The following UBE2O variants were observed in gnomAD, a reference collection of about 807,000 sequenced individuals.
UBE2O encodes ubiquitin conjugating enzyme E2 O.
UBE2O carries 15 observed loss-of-function variants against 125.8 expected under a neutral mutation model. The ratio of observed to expected loss-of-function variants is 0.12; its 90% CI spans 0.08 to 0.18. The LOEUF is 0.18. UBE2O is among the 10% of genes least tolerant of loss of function. UBE2O has a pLI of 1.00. For missense variants in UBE2O, 1,280 were observed against 1,723.6 expected (o/e 0.74, Z 4.56); for synonymous variants, 708 against 703.2 (o/e 1.01, Z -0.11).
chr17:76,440,568 T>A (rs12451274), intron 1 of UBE2O, among the ~76,000 whole-genome samples: 81,606 of 152,058 alleles, frequency 0.54, 23,682 homozygotes, highest in South Asian at 0.67. Flanking sequence ...CCTCAAGTGA[T>A]CCGCCTGGCT....
rs11652985 is a variant in UBE2O at position 76,402,433 on chromosome 17, G to A, written c.686+169C>T. On this transcript the variant is annotated intron_variant, in intron 4 of 17. Transcript: ENST00000319380. The surrounding 1 kb of genome is among the most constrained non-coding windows in gnomAD (Gnocchi z 5.4). ...AAACTGAGCAACAGAAATAGGCCAC[G>A]GCAGATAAGGAGAACGGTACAGGGT... 2.0e-5 allele frequency among the ~76,000 whole-genome samples: 3 copies of A among 151,974 alleles called. No homozygotes were observed. Among genetic ancestry groups the A allele is most frequent in the Non-Finnish European group, 2.9e-5 (2 of 67,972 alleles).
intron 1 of UBE2O, among the ~76,000 whole-genome samples, chr17:76,438,865 G>A (rs2073038926): frequency 6.6e-6 from 1 of 152,108 alleles, no homozygotes; most frequent in Non-Finnish European, 1.5e-5. Flanking sequence ...TCCACGCCAT[G>A]CATGCATAGG....
rs1598631962 is a variant in UBE2O at position 76,452,824 on chromosome 17, GC to G, written c.317del (p.Gly106AlafsTer30). The G allele has an allele frequency of 4.6e-6, 7 of 1,505,742 alleles. No homozygotes were observed. The Admixed American group carries it at 8.8e-5, about 19-fold the overall frequency. The allele number at this position is 1,505,742 out of a possible 1,614,324, so 93.3% of individuals were successfully genotyped here. A position where few individuals can be genotyped will look rare whatever the true frequency, so the allele number is the denominator to read the frequency against. On this transcript the variant is annotated frameshift_variant, in exon 1 of 18. Coordinates refer to ENST00000319380, the MANE Select transcript of UBE2O (RefSeq NM_022066.4). LOFTEE classifies it high-confidence loss of function. The surrounding 1 kb of genome is among the most constrained non-coding windows in gnomAD (Gnocchi z 4.4). ...RGSSGCSEAGGAGHEEGRASP... is the reference protein window; with the variant it reads ...RGSSGCSEAGXAGHEEGRASP... ...TGGCCCGGCCCTCCTCGTGGCCCGC[GC>G]CCCCGGCCTCGGAGCACCCCGAGCT...
Position 76,398,286 on chromosome 17 carries a change from G to C in UBE2O, c.1994C>G (p.Thr665Ser). The stretch of plus-strand genomic sequence containing the variant: ...CTCCTTGTGAGGAGCCCCATCCTCA[G>C]TATTGCCGATGCGGATGACGATGTC... ...TTDIVIRIGN[T>S]EDGAPHKEDE... The change falls in exon 12 of 18, where the codon ACT (threonine) becomes AGT (serine). Residue 665 changes from threonine to serine, a missense_variant. By Grantham distance (58) the Thr-to-Ser change is moderately conservative. This residue lies in a region of UBE2O where 210 missense variants were observed against 268.9 expected (regional missense o/e 0.78). Coordinates refer to ENST00000319380, the MANE Select transcript of UBE2O (RefSeq NM_022066.4). This position sits in a 1 kb window ranked among gnomAD's most constrained non-coding sequence, Gnocchi z 5.4. The C allele has an allele frequency of 6.2e-7, 1 of 1,614,216 alleles. No individual in the cohort carries two copies. The highest frequency in any genetic ancestry group is 1.1e-5 in the South Asian group (1 of 91,082).
At chr17:76,437,428 C>T (rs565344943) in intron 1 of UBE2O, among the ~76,000 whole-genome samples, 39 of 133,398 alleles carry the variant, frequency 2.9e-4, no homozygotes, top group African/African-American at 1.0e-3. Flanking sequence ...CCAGCCTGGG[C>T]GACAGAGCGA....
intron 1 of UBE2O, among the ~76,000 whole-genome samples, chr17:76,413,210 G>A (rs925549357): frequency 2.6e-5 from 4 of 152,150 alleles, no homozygotes; most frequent in African/African-American, 7.2e-5. Context: ...ACGTAGGGAT[G>A]GGGTGGAGGA....
chr17:76,425,799 G>C (rs572774061), intron 1 of UBE2O, among the ~76,000 whole-genome samples: 135 of 152,272 alleles, frequency 8.9e-4, no homozygotes, highest in Non-Finnish European at 1.7e-3. Flanking sequence ...TTATCGATCA[G>C]GTATCTTTGG....
intron 15 of UBE2O, among the ~76,000 whole-genome samples, chr17:76,393,881 A>G (rs1472183150): frequency 2.6e-5 from 4 of 152,146 alleles, no homozygotes; most frequent in Non-Finnish European, 5.9e-5. Context: ...GGGCGAGGGA[A>G]CCTCTGCACA....
intron 1 of UBE2O, among the ~76,000 whole-genome samples, chr17:76,412,606 G>A (rs1331824765): frequency 6.6e-6 from 1 of 152,206 alleles, no homozygotes; most frequent in African/African-American, 2.4e-5. Context: ...AGCTTGAAGG[G>A]TCTAGCTCCA....
chr17:76,435,417 TACACACACACACACAC>T (rs59781051), intron 1 of UBE2O, among the ~76,000 whole-genome samples: 3 of 96,442 alleles, frequency 3.1e-5, no homozygotes, highest in Non-Finnish European at 5.7e-5. Context: ...CACACACACA[TACACACACACACACAC>T]ACACACACAC....
At chr17:76,431,388 C>A (rs899021802) in intron 1 of UBE2O, among the ~76,000 whole-genome samples, 1 of 152,016 alleles carries the variant, frequency 6.6e-6, no homozygotes, top group South Asian at 2.1e-4. Flanking sequence ...TGCTGGTGCA[C>A]GCCTGTAATC....
chr17:76,415,828 T>TGTGTGTGTGTGTGTGC (rs1491320241), intron 1 of UBE2O, among the ~76,000 whole-genome samples: 2 of 151,290 alleles, frequency 1.3e-5, no homozygotes, highest in East Asian at 3.9e-4. Flanking sequence ...TGTGTGTGTG[T>TGTGTGTGTGTGTGTGC]GCATACACAT....
intron 1 of UBE2O, among the ~76,000 whole-genome samples, chr17:76,449,943 T>A (rs2143932104): frequency 6.6e-6 from 1 of 151,952 alleles, no homozygotes; most frequent in East Asian, 1.9e-4. Flanking sequence ...AAATAAAAAA[T>A]AAGTTTCTCA....
Position 76,402,494 on chromosome 17 carries a change from T to C in UBE2O, c.686+108A>G. The C allele has an allele frequency of 1.0e-6, 1 of 972,622 alleles. No individual in the cohort carries two copies. The highest frequency in any genetic ancestry group is 1.4e-5 in the South Asian group (1 of 72,070). The allele number at this position is 972,622 out of a possible 1,614,324, so 60.2% of individuals were successfully genotyped here. ...ATGCCTGCAACATCTGTCACTGCCC[T>C]TGATCAAACCTGTCATCACTGTCCC... On this transcript the variant is annotated intron_variant, in intron 4 of 17. Transcript: ENST00000319380. This position sits in a 1 kb window ranked among gnomAD's most constrained non-coding sequence, Gnocchi z 5.4.
At position 76,395,688 on chromosome 17, in the gene UBE2O, C is replaced by A. The variant is rs1437317684; in HGVS notation, c.2946+37G>T. 6.3e-7 allele frequency: 1 copy of A among 1,593,172 alleles called. No homozygotes were observed. The highest frequency in any genetic ancestry group is 1.8e-5 in the Admixed American group (1 of 55,234). ...GCCTCTTGGGCACTGGGTGCCCACA[C>A]AGCACATCTGCACCTGCCCATGCCA... On this transcript the variant is annotated intron_variant, in intron 15 of 17. Transcript: ENST00000319380. The surrounding 1 kb of genome is among the most constrained non-coding windows in gnomAD (Gnocchi z 5.0).
At chr17:76,393,393 C>G (rs973753325) in intron 15 of UBE2O, among the ~76,000 whole-genome samples, 2 of 151,798 alleles carry the variant, frequency 1.3e-5, no homozygotes, top group Non-Finnish European at 2.9e-5. Context: ...TCTCCTCACG[C>G]CCGGCTAATT....
chr17:76,396,444 C>G lies in UBE2O; in HGVS notation c.2493G>C (p.Gln831His). ...GAGAGGTGGGCGAGCCCGTCAGCAGCTGCTCCACAGTCATGTTCTTGAGGC... is the reference window on the plus strand; with the variant it reads ...GAGAGGTGGGCGAGCCCGTCAGCAGGTGCTCCACAGTCATGTTCTTGAGGC... ...LESLKNMTVEQLLTGSPTSPT... is the reference protein window; with the variant it reads ...LESLKNMTVEHLLTGSPTSPT... Residue 831 changes from glutamine to histidine, a missense_variant, in exon 14 of 18, where the codon CAG becomes CAC. Gln to His is a conservative substitution (Grantham distance 24). Coordinates refer to ENST00000319380, the MANE Select transcript of UBE2O (RefSeq NM_022066.4). The surrounding 1 kb of genome is among the most constrained non-coding windows in gnomAD (Gnocchi z 6.7). 6.2e-7 allele frequency: 1 copy of G among 1,614,168 alleles called. No homozygotes were observed. The highest frequency in any genetic ancestry group is 8.5e-7 in the Non-Finnish European group (1 of 1,180,040).
chr17:76,452,813 T>G lies in UBE2O; in HGVS notation c.329A>C (p.Glu110Ala). The change falls in exon 1 of 18, where the codon GAG becomes GCG. Residue 110 changes from glutamate (E) to alanine (A), a missense_variant. Coordinates refer to ENST00000319380, the MANE Select transcript of UBE2O (RefSeq NM_022066.4). This position sits in a 1 kb window ranked among gnomAD's most constrained non-coding sequence, Gnocchi z 4.4. ...GCSEAGGAGH[E>A]EGRASPLRRG... ...GCGCAGGGGGCTGGCCCGGCCCTCC[T>G]CGTGGCCCGCGCCCCCGGCCTCGGA... 1 of 1,512,510 alleles carries G rather than the reference T, an allele frequency of 6.6e-7. No individual in the cohort carries two copies. The highest frequency in any genetic ancestry group is 8.8e-7 in the Non-Finnish European group (1 of 1,132,624). 93.7% of individuals were successfully genotyped at this position (1,512,510 alleles called of 1,614,324 possible).
intron 1 of UBE2O, among the ~76,000 whole-genome samples, chr17:76,434,119 A>C (rs1318480558): frequency 6.6e-6 from 1 of 152,150 alleles, no homozygotes; most frequent in Non-Finnish European, 1.5e-5. Flanking sequence ...GCTTCCATCC[A>C]TCTTACTTAA....
Sources: gnomAD v4.1 joint callset for allele counts (sites outside exome capture counted in the v4.1 genomes callset) on GRCh38, gnomAD v4.1.1 for gene constraint, gnomAD v4.1.1 regional missense constraint, Gnocchi (gnomAD v3.1) non-coding constraint, MANE v1.5 for transcripts, NCBI Gene and HGNC (gene_info 2026-07-23, HGNC 2026-07-21) for gene names.